The following SLC45A4 variants were observed in gnomAD, a reference collection of about 807,000 sequenced individuals.
SLC45A4 encodes the protein polyamine-transporter SLC45A4.
In SLC45A4, 32 loss-of-function variants were observed where a neutral mutation model predicts 63.7. The ratio of observed to expected loss-of-function variants is 0.50; its 90% CI spans 0.38 to 0.67. The LOEUF (loss-of-function observed/expected upper bound fraction) is 0.67. SLC45A4 is among the 30% of genes least tolerant of loss of function. The pLI, the probability that SLC45A4 is intolerant of heterozygous loss-of-function variation, is 0.00. For missense variants in SLC45A4, 1,027 were observed against 1,157.7 expected (o/e 0.89, Z 1.64); for synonymous variants, 535 against 510.0 (o/e 1.05, Z -0.66).
intron 3 of SLC45A4, 53 bp downstream of exon 3, chr8:141,221,524 G>A: frequency 6.4e-7 from 1 of 1,565,546 alleles, no homozygotes; most frequent in Non-Finnish European, 8.7e-7. Context: ...AGCTACCCAG[G>A]GCCAGGACCC....
intron 2 of SLC45A4, among the ~76,000 whole-genome samples, chr8:141,233,776 G>C (rs1046828975): frequency 2.0e-5 from 3 of 152,226 alleles, no homozygotes; most frequent in Admixed American, 6.5e-5. Context: ...AGGCCCCTGG[G>C]AAACGGCTAT....
intron 5 of SLC45A4, among the ~76,000 whole-genome samples, chr8:141,217,445 C>G (rs1445108925): frequency 6.6e-6 from 1 of 152,252 alleles, no homozygotes; most frequent in Non-Finnish European, 1.5e-5. Context: ...CTCCCGGTCC[C>G]CAGTCTGGGC....
chr8:141,303,244 G>T (rs1830802145), intron 1 of SLC45A4, among the ~76,000 whole-genome samples: 1 of 151,412 alleles, frequency 6.6e-6, no homozygotes, highest in South Asian at 2.1e-4. Flanking sequence ...CAATCTGCCC[G>T]CCTCAGCCGC....
intron 1 of SLC45A4, among the ~76,000 whole-genome samples, chr8:141,259,800 C>T (rs1321885583): frequency 1.3e-5 from 2 of 152,228 alleles, no homozygotes; most frequent in Non-Finnish European, 2.9e-5. Flanking sequence ...GCTTCTTGAA[C>T]CTGGGCTTTC....
chr8:141,253,733 G>A (rs1042670903), intron 2 of SLC45A4, among the ~76,000 whole-genome samples: 1 of 152,218 alleles, frequency 6.6e-6, no homozygotes. Context: ...TGCCAATTCT[G>A]CCCCAGATGC....
At chr8:141,304,269 A>ACAC (rs1491445468) in intron 1 of SLC45A4, among the ~76,000 whole-genome samples, 1 of 53,908 alleles carries the variant, frequency 1.9e-5, no homozygotes, top group African/African-American at 6.5e-5. Flanking sequence ...ACTCTTAAAT[A>ACAC]CACACACACA....
chr8:141,274,097 C>T (rs978532766), intron 1 of SLC45A4, among the ~76,000 whole-genome samples: 1 of 152,122 alleles, frequency 6.6e-6, no homozygotes, highest in African/African-American at 2.4e-5. Flanking sequence ...GGCGTGGTGG[C>T]AGGCGCCGAT....
intron 1 of SLC45A4, among the ~76,000 whole-genome samples, chr8:141,267,376 C>T (rs372567024): frequency 6.2e-4 from 95 of 152,378 alleles, no homozygotes; most frequent in African/African-American, 2.1e-3. Flanking sequence ...GGCTCACCAG[C>T]GAGCGTACGG....
At chr8:141,297,832 G>A (rs1830614709) in intron 1 of SLC45A4, among the ~76,000 whole-genome samples, 2 of 152,152 alleles carry the variant, frequency 1.3e-5, no homozygotes, top group Admixed American at 1.3e-4. Flanking sequence ...TTTTAAATTT[G>A]ATTAGCTTTA....
At chr8:141,224,477 G>A (rs998584726) in intron 2 of SLC45A4, 2 of 152,194 alleles carry the variant, frequency 1.3e-5, no homozygotes, top group Admixed American at 6.5e-5. Flanking sequence ...TTGGAGACAG[G>A]GTCTTGCTGT....
chr8:141,211,685 T>C lies in SLC45A4; in HGVS notation c.2314A>G (p.Ile772Val), dbSNP rs1426709763. ...TGTGACGAGATCTGACAGACGTCAA[T>C]ACCTGCAGGCGTCTACAGAGAGGAA... ...VETESVTPAG[I>V]DVCQISSHWL... The change falls in exon 9 of 9, where the codon ATT becomes GTT. Residue 772 changes from isoleucine (I) to valine (V), a missense_variant. By Grantham distance (29) the Ile-to-Val change is conservative (BLOSUM62 3). Coordinates refer to ENST00000517878, the MANE Select transcript of SLC45A4 (RefSeq NM_001286646.2). 1 of 1,594,844 alleles carries C rather than the reference T, an allele frequency of 6.3e-7. No individual in the cohort carries two copies.
Position 141,211,348 on chromosome 8 carries a change from C to A in SLC45A4, c.*224G>T. On this transcript the variant is annotated 3_prime_UTR_variant, in exon 9 of 9. Transcript: ENST00000517878. ...ATGGCTGGGCGCAGACACACTCACA[C>A]GCGCACGCAGGAGCTCGTCTGGAGC... 7.2e-7 allele frequency: 1 copy of A among 1,388,386 alleles called. No homozygotes were observed. The allele number at this position is 1,388,386 out of a possible 1,614,324, so 86.0% of individuals were successfully genotyped here. A position where few individuals can be genotyped will look rare whatever the true frequency, so the allele number is the denominator to read the frequency against.
intron 2 of SLC45A4, chr8:141,228,653 C>T (rs996973693): frequency 2.1e-5 from 22 of 1,042,462 alleles, no homozygotes; most frequent in South Asian, 2.0e-4. Flanking sequence ...GTGATGTTAT[C>T]GTAGCTGTAT....
chr8:141,242,948 C>T (rs1038996684), intron 2 of SLC45A4, among the ~76,000 whole-genome samples: 10 of 152,182 alleles, frequency 6.6e-5, no homozygotes, highest in Non-Finnish European at 1.0e-4. Context: ...TAAGCCAGCC[C>T]GTGTGCAGCG....
chr8:141,218,377 C>T lies in SLC45A4; in HGVS notation c.1263G>A (p.Arg421=), dbSNP rs747784758. Reference sequence around the variant, plus strand: ...AGTAGGAGAAGGTGCTGGAGGCCTGCCTGCGGAACGCGTGCCGCCGCCGCC... The same window carrying T: ...AGTAGGAGAAGGTGCTGGAGGCCTGTCTGCGGAACGCGTGCCGCCGCCGCC... The part of the protein sequence containing the change: ...SMRRRRHAFR[R]QASSTFSYYG... The change falls in exon 5 of 9, where the codon AGG becomes AGA. Residue 421 remains arginine, a synonymous_variant. Coordinates refer to ENST00000517878, the MANE Select transcript of SLC45A4 (RefSeq NM_001286646.2). 2 of 1,608,308 alleles carry T rather than the reference C, an allele frequency of 1.2e-6. No individual in the cohort carries two copies. Among genetic ancestry groups the T allele is most frequent in the South Asian group, 2.2e-5 (2 of 91,034 alleles).
chr8:141,306,751 G>A (rs74434625), intron 1 of SLC45A4, among the ~76,000 whole-genome samples: 1,726 of 152,364 alleles, frequency 0.011, 26 homozygotes, highest in African/African-American at 0.039. Context: ...CTGGGGAATG[G>A]AAGCGCAGGG....
At chr8:141,290,754 G>A (rs1330265355) in intron 1 of SLC45A4, among the ~76,000 whole-genome samples, 6 of 152,254 alleles carry the variant, frequency 3.9e-5, no homozygotes, top group East Asian at 3.8e-4. Context: ...CCCACGCTGC[G>A]TGTGGTCTTA....
At chr8:141,291,014 A>G (rs564668755) in intron 1 of SLC45A4, among the ~76,000 whole-genome samples, 1 of 152,142 alleles carries the variant, frequency 6.6e-6, no homozygotes, top group South Asian at 2.1e-4. Context: ...ATGCCGGGCT[A>G]ATTTTTGTAT....
chr8:141,246,770 T>C (rs903217767), intron 2 of SLC45A4, among the ~76,000 whole-genome samples: 1 of 150,800 alleles, frequency 6.6e-6, no homozygotes, highest in Non-Finnish European at 1.5e-5. Flanking sequence ...AATGATTTTA[T>C]TAGGAAAGAA....
Sources: allele counts gnomAD v4.1 joint callset (sites outside exome capture counted in the v4.1 genomes callset), GRCh38; gene constraint gnomAD v4.1.1; transcripts MANE v1.5; gene names NCBI Gene and HGNC (gene_info 2026-07-23, HGNC 2026-07-21).